The following SORCS3 variants were observed in gnomAD, a reference collection of about 807,000 sequenced individuals.
SORCS3 encodes the protein VPS10 domain-containing receptor SorCS3.
In SORCS3, 57 loss-of-function variants were observed where a neutral mutation model predicts 146.3. The observed-to-expected ratio is 0.39, with a 90% CI of 0.31 to 0.49. The LOEUF (loss-of-function observed/expected upper bound fraction) is 0.49. SORCS3 is among the 20% of genes least tolerant of loss of function. The pLI is 0.92. For synonymous variants in SORCS3, 653 were observed against 618.5 expected, an observed-to-expected ratio of 1.06 and a Z score of -0.83; for missense variants, 1,341 against 1,575.5, an observed-to-expected ratio of 0.85 and a Z score of 2.52.
chr10:104,849,411 CAAAAAAAAAAAAAAAA>C (rs10591862), intron 2 of SORCS3, among the ~76,000 whole-genome samples: 1 of 78,034 alleles, frequency 1.3e-5, no homozygotes, highest in Admixed American at 1.6e-4. Context: ...GACTCCATCT[CAAAAAAAAAAAAAAAA>C]AAAAAAAAAA....
In SORCS3 at chr10:105,264,999, G is replaced by A. The variant is rs139280452; in HGVS notation, c.*1625G>A. The A allele has an allele frequency of 1.2e-4, 18 of 152,698 alleles. No homozygotes were observed. Among genetic ancestry groups the A allele is most frequent in the African/African-American group, 4.3e-4 (18 of 41,546 alleles). The allele number at this position is 152,698 out of a possible 1,614,324, so 9.5% of individuals were successfully genotyped here. A position where few individuals can be genotyped will look rare whatever the true frequency, so the allele number is the denominator to read the frequency against. On this transcript the variant is annotated 3_prime_UTR_variant, in exon 27 of 27. Transcript: ENST00000369701. The stretch of plus-strand genomic sequence containing the variant: ...ATAGAGAAATCTGGCTGGCTACAGT[G>A]TAGATCAGTATTAGGAATATTTCTA...
In SORCS3 at chr10:104,703,334, C is replaced by T. The variant is rs140838020; in HGVS notation, c.627+61380C>T. ...TGGTTGAACTAATTTATGTTCCCAA[C>T]AACAGTGTACAAGCATTCCTATTTC... is the stretch of plus-strand genomic sequence containing the variant. On this transcript the variant is annotated intron_variant, in intron 1 of 26. Transcript: ENST00000369701. 5.3e-5 allele frequency among the ~76,000 whole-genome samples: 8 copies of T among 152,314 alleles called. No individual in the cohort carries two copies. In the East Asian group the frequency reaches 1.4e-3, roughly 26 times the overall value.
chr10:104,830,764 C>A (rs919201538), intron 1 of SORCS3, among the ~76,000 whole-genome samples: 1 of 152,060 alleles, frequency 6.6e-6, no homozygotes, highest in Non-Finnish European at 1.5e-5. Context: ...TCTTTTCCAC[C>A]CTCCTGTTTG....
At chr10:104,885,739 C>A (rs1158458636) in intron 2 of SORCS3, among the ~76,000 whole-genome samples, 5 of 152,106 alleles carry the variant, frequency 3.3e-5, no homozygotes, top group Non-Finnish European at 5.9e-5. Context: ...TGATGACTAT[C>A]CCATTATTCT....
chr10:105,001,991 G>C (rs962825014), intron 4 of SORCS3, among the ~76,000 whole-genome samples: 18 of 152,146 alleles, frequency 1.2e-4, no homozygotes, highest in African/African-American at 3.9e-4. Context: ...CCCACAGTGG[G>C]ATCTGTTTTA....
intron 4 of SORCS3, among the ~76,000 whole-genome samples, chr10:104,989,519 T>C (rs67974068): frequency 0.14 from 20,675 of 152,168 alleles, 1,686 homozygotes; most frequent in South Asian, 0.24. Context: ...AATTTTTCTT[T>C]TGTAATTTCA....
chr10:104,992,519 A>C (rs1157935533), intron 4 of SORCS3, among the ~76,000 whole-genome samples: 1 of 152,226 alleles, frequency 6.6e-6, no homozygotes, highest in Non-Finnish European at 1.5e-5. Context: ...AATGTGTTGC[A>C]AATCTTCCTG....
intron 1 of SORCS3, among the ~76,000 whole-genome samples, chr10:104,739,867 A>C (rs926399137): frequency 3.3e-5 from 5 of 152,190 alleles, no homozygotes; most frequent in African/African-American, 1.2e-4. Context: ...CCTTTGTAGG[A>C]TGGGAGGATT....
chr10:104,795,343 AT>A (rs2017542486), intron 1 of SORCS3, among the ~76,000 whole-genome samples: 4 of 152,162 alleles, frequency 2.6e-5, no homozygotes, highest in African/African-American at 9.7e-5. Context: ...TTATTATGTA[AT>A]TTAAAAAAAT....
At chr10:105,227,265 T>A (rs1050382357) in intron 20 of SORCS3, among the ~76,000 whole-genome samples, 1 of 152,052 alleles carries the variant, frequency 6.6e-6, no homozygotes, top group African/African-American at 2.4e-5. Flanking sequence ...GTTTTTTTGT[T>A]TCAAAATTTT....
intron 1 of SORCS3, among the ~76,000 whole-genome samples, chr10:104,715,761 T>A (rs2016468999): frequency 6.6e-6 from 1 of 152,188 alleles, no homozygotes; most frequent in Non-Finnish European, 1.5e-5. Flanking sequence ...CCTCCACTGG[T>A]AAAACCCTGG....
At chr10:104,906,837 C>G (rs1564710511) in intron 2 of SORCS3, among the ~76,000 whole-genome samples, 1 of 152,170 alleles carries the variant, frequency 6.6e-6, no homozygotes, top group Admixed American at 6.5e-5. Flanking sequence ...CTTGGATACA[C>G]TTTTGTTTGA....
intron 1 of SORCS3, among the ~76,000 whole-genome samples, chr10:104,842,235 A>G (rs1406955148): frequency 6.6e-6 from 1 of 152,216 alleles, no homozygotes; most frequent in Non-Finnish European, 1.5e-5. Flanking sequence ...TACATGGTCG[A>G]AGGCAGATGG....
chr10:104,900,688 A>C (rs1236238831), intron 2 of SORCS3, among the ~76,000 whole-genome samples: 1 of 152,008 alleles, frequency 6.6e-6, no homozygotes, highest in African/African-American at 2.4e-5. Flanking sequence ...CAGGAGTTCA[A>C]GACCAGCCTG....
At chr10:105,076,493 A>C (rs2055590054) in intron 5 of SORCS3, among the ~76,000 whole-genome samples, 1 of 151,822 alleles carries the variant, frequency 6.6e-6, no homozygotes, top group South Asian at 2.1e-4. Flanking sequence ...CACTTTACCA[A>C]CCCCACCATC....
intron 5 of SORCS3, among the ~76,000 whole-genome samples, chr10:105,088,396 AAAGAAGTGT>A (rs1487076984): frequency 2.0e-5 from 3 of 152,224 alleles, no homozygotes; most frequent in Non-Finnish European, 4.4e-5. Context: ...CTCTTTGGGG[AAAGAAGTGT>A]TTTACATAAA....
At chr10:104,926,544 C>T (rs919443911) in intron 3 of SORCS3, among the ~76,000 whole-genome samples, 1 of 152,138 alleles carries the variant, frequency 6.6e-6, no homozygotes, top group African/African-American at 2.4e-5. Flanking sequence ...CCTTGCACCC[C>T]AAAAGGGAAA....
Position 104,966,446 on chromosome 10 carries a change from T to A in SORCS3, c.796-10889T>A, listed in dbSNP as rs77942056. Among the ~76,000 whole-genome samples the A allele has an allele frequency of 4.1e-3, 628 of 152,326 alleles. 4 individuals are homozygous for A. Among genetic ancestry groups the A allele is most frequent in the African/African-American group, 0.014 (593 of 41,572 alleles). The stretch of plus-strand genomic sequence containing the variant: ...ATTTCTTATTGAACACTAACTTTGC[T>A]AAAAGTCTACCATTAGGACTCAATT... On this transcript the variant is annotated intron_variant, in intron 3 of 26. Transcript: ENST00000369701.
Position 104,779,852 on chromosome 10 carries a change from C to T in SORCS3, c.628-62940C>T, listed in dbSNP as rs563311827. On this transcript the variant is annotated intron_variant, in intron 1 of 26. Coordinates refer to ENST00000369701, the MANE Select transcript of SORCS3 (RefSeq NM_014978.3). ...CTCTACTCTGCCCTGCCTCACCCCGCGCGCTCCGCCATGTTGATTGGTGAG... is the reference window on the plus strand; with the variant it reads ...CTCTACTCTGCCCTGCCTCACCCCGTGCGCTCCGCCATGTTGATTGGTGAG... Among the ~76,000 whole-genome samples, 11 of 152,320 alleles carry T rather than the reference C, an allele frequency of 7.2e-5. No individual in the cohort carries two copies. The South Asian group carries it at 1.0e-3, about 14-fold the overall frequency.
Sources: allele counts gnomAD v4.1 joint callset (sites outside exome capture counted in the v4.1 genomes callset), GRCh38; gene constraint gnomAD v4.1.1; transcripts MANE v1.5; gene names NCBI Gene and HGNC (gene_info 2026-07-23, HGNC 2026-07-21).